GALNT2: variants seen among roughly 807,000 people sequenced by gnomAD.
The protein encoded by GALNT2 is polypeptide N-acetylgalactosaminyltransferase 2.
Under a neutral mutation model 81.4 loss-of-function variants are expected in GALNT2, and 31 were observed. The observed-to-expected ratio is 0.38, with a 90% CI of 0.29 to 0.51. The LOEUF is 0.51. GALNT2 is among the 20% of genes least tolerant of loss of function. The probability of loss-of-function intolerance (pLI) is 0.87; values close to 1 mark genes in which losing one functional copy is unlikely to be tolerated. For missense variants in GALNT2, 629 were observed against 765.7 expected (o/e 0.82, Z 2.11); for synonymous variants, 303 against 287.4 (o/e 1.05, Z -0.55).
At chr1:230,103,248 A>G (rs573077816) in intron 1 of GALNT2, among the ~76,000 whole-genome samples, 3 of 152,290 alleles carry the variant, frequency 2.0e-5, no homozygotes, top group African/African-American at 4.8e-5. Context: ...AATCCCCGTA[A>G]TAGATTTTAG....
chr1:230,090,509 C>T (rs147528170), intron 1 of GALNT2, among the ~76,000 whole-genome samples: 20 of 149,106 alleles, frequency 1.3e-4, no homozygotes, highest in African/African-American at 2.5e-4. Flanking sequence ...GGAGAAATAA[C>T]GGTTGTGTGT....
At chr1:230,176,013 C>G (rs1440699708) in intron 1 of GALNT2, among the ~76,000 whole-genome samples, 1 of 152,076 alleles carries the variant, frequency 6.6e-6, no homozygotes, top group African/African-American at 2.4e-5. Flanking sequence ...GAGAGAGGGT[C>G]AATGCACAAT....
At chr1:230,092,183 T>TAG (rs1553311897) in intron 1 of GALNT2, 1 of 119,366 alleles carries the variant, frequency 8.4e-6, no homozygotes, top group African/African-American at 3.4e-5. Flanking sequence ...TTAGTTTTTT[T>TAG]TTTTTTTTTT....
intron 6 of GALNT2, among the ~76,000 whole-genome samples, chr1:230,237,842 TAAAA>T (rs773679796): frequency 7.1e-6 from 1 of 140,082 alleles, no homozygotes; most frequent in Non-Finnish European, 1.6e-5. Context: ...GCACAGGCTT[TAAAA>T]AAAAAAAAAA....
exon 1 of GALNT2, chr1:230,058,051 G>C (rs1454067459): frequency 1.1e-5 from 5 of 456,156 alleles, no homozygotes; most frequent in African/African-American, 2.0e-5. Flanking sequence ...GACAGGGCAA[G>C]GTGCCCGTAG....
chr1:230,130,014 A>G (rs923355411), intron 1 of GALNT2, among the ~76,000 whole-genome samples: 39 of 152,318 alleles, frequency 2.6e-4, no homozygotes, highest in Admixed American at 1.3e-4. Context: ...TGAGATCTGC[A>G]TGACCTCCAT....
rs184272913 is a variant in GALNT2 at position 230,165,586 on chromosome 1, T to C, written c.127-12632T>C. On this transcript the variant is annotated intron_variant, in intron 1 of 15. Transcript: ENST00000366672. ...CTTTCCGATAAGGTTTAATTTACACTGTGTCCTTTTGCTTTTAAAATAAGG... is the reference window on the plus strand; with the variant it reads ...CTTTCCGATAAGGTTTAATTTACACCGTGTCCTTTTGCTTTTAAAATAAGG... 9.2e-5 allele frequency among the ~76,000 whole-genome samples: 14 copies of C among 152,380 alleles called. No homozygotes were observed. In the East Asian group the frequency reaches 2.1e-3, roughly 23 times the overall value.
chr1:230,227,467 ATATATATGCTATATAATATAGC>A (rs1425868555), intron 3 of GALNT2, among the ~76,000 whole-genome samples: 4 of 150,130 alleles, frequency 2.7e-5, no homozygotes, highest in Admixed American at 1.3e-4. Context: ...ACAGCTATAT[ATATATATGCTATATAATATAGC>A]TATATATGCT....
chr1:230,148,693 C>G (rs1357801935), intron 1 of GALNT2, among the ~76,000 whole-genome samples: 3 of 151,708 alleles, frequency 2.0e-5, no homozygotes, highest in Non-Finnish European at 4.4e-5. Flanking sequence ...CTCAGGTGAT[C>G]CTCCCACCTC....
At chr1:230,200,062 C>CTTTTTTTTTT (rs34212427) in intron 2 of GALNT2, among the ~76,000 whole-genome samples, 4 of 113,518 alleles carry the variant, frequency 3.5e-5, no homozygotes, top group Non-Finnish European at 5.1e-5. Flanking sequence ...TCTTTTTTTT[C>CTTTTTTTTTT]TTTTTTTTTT....
upstream of GALNT2, among the ~76,000 whole-genome samples, chr1:230,057,816 G>A (rs926469429): frequency 6.6e-6 from 1 of 152,228 alleles, no homozygotes; most frequent in Non-Finnish European, 1.5e-5. Context: ...GCTACCGGAG[G>A]AGCTGCGGGG....
At chr1:230,151,613 C>A (rs1473936937) in intron 1 of GALNT2, among the ~76,000 whole-genome samples, 1 of 152,122 alleles carries the variant, frequency 6.6e-6, no homozygotes, top group African/African-American at 2.4e-5. Flanking sequence ...TCCCTGTGCC[C>A]ACCACGTAAG....
In GALNT2 at chr1:230,203,446, C is replaced by T. The variant is rs565505779; in HGVS notation, c.374+156C>T. 2.0e-5 allele frequency among the ~76,000 whole-genome samples: 3 copies of T among 152,328 alleles called. No individual in the cohort carries two copies. The East Asian group carries it at 5.8e-4, about 29-fold the overall frequency. ...AATCCTGAGGTATATGGCAATGGAA[C>T]TTCATCCATAGGCAGTGGAAGGATG... On this transcript the variant is annotated intron_variant, in intron 3 of 15. Coordinates refer to ENST00000366672, the MANE Select transcript of GALNT2 (RefSeq NM_004481.5).
At chr1:230,265,672 G>A (rs964071908) in intron 14 of GALNT2, among the ~76,000 whole-genome samples, 1 of 152,140 alleles carries the variant, frequency 6.6e-6, no homozygotes, top group African/African-American at 2.4e-5. Flanking sequence ...CTGTCCTCTC[G>A]GCCATGTGCA....
At chr1:230,064,289 T>C (rs1237512801), upstream of GALNT2, among the ~76,000 whole-genome samples, 1 of 152,188 alleles carries the variant, frequency 6.6e-6, no homozygotes, top group Non-Finnish European at 1.5e-5. Flanking sequence ...TCTAAGTTTA[T>C]CAGAAAGTAT....
intron 13 of GALNT2, chr1:230,263,673 A>G (rs3789634): frequency 0.072 from 11,038 of 152,360 alleles, 835 homozygotes; most frequent in African/African-American, 0.17. Flanking sequence ...AGACCTATAG[A>G]TCCGCTGGGG....
intron 15 of GALNT2, among the ~76,000 whole-genome samples, chr1:230,277,701 G>A (rs767311134): frequency 9.9e-5 from 15 of 152,160 alleles, no homozygotes; most frequent in East Asian, 3.9e-4. Context: ...GTGGTGTTTC[G>A]CGCAGGTCGG....
intron 1 of GALNT2, among the ~76,000 whole-genome samples, chr1:230,106,746 C>T (rs978191240): frequency 8.1e-5 from 12 of 148,784 alleles, no homozygotes; most frequent in African/African-American, 3.0e-4. Context: ...GCAGGCAGTG[C>T]GTGCTGGTGA....
At position 230,236,137 on chromosome 1, in the gene GALNT2, G is replaced by A. The variant is rs3811488; in HGVS notation, c.473+25G>A. The A allele has an allele frequency of 0.46, 732,139 of 1,603,412 alleles. 179,800 individuals are homozygous for A. The highest frequency in any genetic ancestry group is 0.89 in the East Asian group (40,064 of 44,776). ...GGTGAGGCCAGGAGATGCATTACCT[G>A]TCAGGGGTGTTAAGACATTAGCTGT... On this transcript the variant is annotated intron_variant, in intron 4 of 15. Transcript: ENST00000366672.
Sources: gnomAD v4.1 joint callset for allele counts (sites outside exome capture counted in the v4.1 genomes callset) on GRCh38, gnomAD v4.1.1 for gene constraint, MANE v1.5 for transcripts, NCBI Gene and HGNC (gene_info 2026-07-23, HGNC 2026-07-21) for gene names.